CRAMP1: variants seen among roughly 807,000 people sequenced by gnomAD.
CRAMP1 encodes protein cramped-like.
CRAMP1 carries 50 observed loss-of-function variants against 115.4 expected under a neutral mutation model. The observed-to-expected ratio is 0.43, with a 90% CI of 0.35 to 0.55. The LOEUF (loss-of-function observed/expected upper bound fraction) is 0.55. CRAMP1 is among the 20% of genes least tolerant of loss of function. The pLI, the probability that CRAMP1 is intolerant of heterozygous loss-of-function variation, is 0.01. For missense variants in CRAMP1, 1,679 were observed against 1,721.7 expected, an observed-to-expected ratio of 0.98 and a Z score of 0.44; for synonymous variants, 866 against 745.4, an observed-to-expected ratio of 1.16 and a Z score of -2.64.
Position 1,632,295 on chromosome 16 carries a change from C to G in CRAMP1, c.624C>G (p.Asn208Lys). 6.2e-7 allele frequency: 1 copy of G among 1,600,124 alleles called. No homozygotes were observed. Among genetic ancestry groups the G allele is most frequent in the Non-Finnish European group, 8.5e-7 (1 of 1,173,894 alleles). The change falls in exon 4 of 21, where the codon AAC (asparagine) becomes AAG (lysine). Residue 208 changes from asparagine (N) to lysine (K), a missense_variant. Asn to Lys is a moderately conservative substitution (Grantham distance 94, BLOSUM62 0). Transcript: ENST00000397412. The part of the protein sequence containing the change: ...KKGKPASMVK[N>K]KEQVRHFYYR... ...GCAAGCCAGCAAGCATGGTGAAGAA[C>G]AAGGAGCAGGTCCGCCACTTCTACT...
Position 1,614,402 on chromosome 16 carries a change from G to A in CRAMP1, c.-1-237G>A, listed in dbSNP as rs1333669301. Among the ~76,000 whole-genome samples, 1 of 144,712 alleles carries A rather than the reference G, an allele frequency of 6.9e-6. No homozygotes were observed. Among genetic ancestry groups the A allele is most frequent in the South Asian group, 2.1e-4 (1 of 4,738 alleles). The allele number at this position is 144,712 out of a possible 152,430, so 94.9% of individuals were successfully genotyped here. On this transcript the variant is annotated intron_variant, in intron 1 of 20. Coordinates refer to ENST00000397412, the MANE Select transcript of CRAMP1 (RefSeq NM_020825.4). The surrounding 1 kb of genome is among the most constrained non-coding windows in gnomAD (Gnocchi z 4.4). Reference sequence around the variant, plus strand: ...GCCCGGGCGTCTGGACGCGAGCCTCGGCCAGGGGGCGTCCGGGGAGGCCCG... The same window carrying A: ...GCCCGGGCGTCTGGACGCGAGCCTCAGCCAGGGGGCGTCCGGGGAGGCCCG...
chr16:1,637,236 G>A (rs932156017), intron 4 of CRAMP1, among the ~76,000 whole-genome samples: 1 of 152,036 alleles, frequency 6.6e-6, no homozygotes, highest in Non-Finnish European at 1.5e-5. Flanking sequence ...AGAGGTTGCG[G>A]TGAGCCGAGA....
intron 6 of CRAMP1, among the ~76,000 whole-genome samples, chr16:1,644,942 T>G (rs558106515): frequency 6.6e-6 from 1 of 151,910 alleles, no homozygotes; most frequent in East Asian, 1.9e-4. Flanking sequence ...GCTCAAGTGA[T>G]CCTCCCGTCT....
At chr16:1,650,911 T>G (rs2036717137) in intron 6 of CRAMP1, among the ~76,000 whole-genome samples, 1 of 152,260 alleles carries the variant, frequency 6.6e-6, no homozygotes, top group Non-Finnish European at 1.5e-5. Flanking sequence ...CAGAGCCATG[T>G]CTTGACTGGG....
intron 6 of CRAMP1, among the ~76,000 whole-genome samples, chr16:1,650,632 A>G (rs752767755): frequency 2.0e-5 from 3 of 152,238 alleles, no homozygotes; most frequent in Non-Finnish European, 4.4e-5. Flanking sequence ...AGGTACAAAT[A>G]TAGATACATA....
chr16:1,618,350 T>G (rs556591165), intron 2 of CRAMP1, among the ~76,000 whole-genome samples: 42 of 152,202 alleles, frequency 2.8e-4, no homozygotes, highest in Non-Finnish European at 5.3e-4. Flanking sequence ...AGGCACCTGG[T>G]GTTTCTGCCA....
chr16:1,643,428 C>A (rs1490189680), intron 6 of CRAMP1, among the ~76,000 whole-genome samples: 1 of 152,124 alleles, frequency 6.6e-6, no homozygotes, highest in Non-Finnish European at 1.5e-5. Context: ...GTAATCCCAG[C>A]TACTTGGGAG....
chr16:1,625,858 G>T, intron 2 of CRAMP1, 115 bp from the exon 3 acceptor site: 1 of 1,041,178 alleles, frequency 9.6e-7, no homozygotes. Flanking sequence ...ATCCTCGGTT[G>T]AGGAGTGTGG....
chr16:1,659,630 G>C (rs1270927461), intron 10 of CRAMP1, among the ~76,000 whole-genome samples: 1 of 152,066 alleles, frequency 6.6e-6, no homozygotes, highest in Non-Finnish European at 1.5e-5. Context: ...CTCATGATCC[G>C]CTCGTCTCGG....
At chr16:1,646,779 A>G (rs1166625900) in intron 6 of CRAMP1, among the ~76,000 whole-genome samples, 1 of 152,210 alleles carries the variant, frequency 6.6e-6, no homozygotes, top group Non-Finnish European at 1.5e-5. Flanking sequence ...TTCTTCTAGA[A>G]GTTTTCTAGT....
chr16:1,615,186 C>T (rs973329840), intron 2 of CRAMP1, among the ~76,000 whole-genome samples: 5 of 152,250 alleles, frequency 3.3e-5, no homozygotes, highest in Non-Finnish European at 1.5e-5. Flanking sequence ...TATTTAAACT[C>T]TTTGAAGAGG....
chr16:1,617,475 A>T (rs1265291784), intron 2 of CRAMP1, among the ~76,000 whole-genome samples: 1 of 152,242 alleles, frequency 6.6e-6, no homozygotes, highest in African/African-American at 2.4e-5. Flanking sequence ...ATCCTCTTAC[A>T]TTCTGGAGAA....
intron 6 of CRAMP1, among the ~76,000 whole-genome samples, chr16:1,650,668 G>C (rs1187976512): frequency 6.6e-6 from 1 of 152,102 alleles, no homozygotes; most frequent in Non-Finnish European, 1.5e-5. Flanking sequence ...AATTTTTTAC[G>C]CATCCTTAGA....
intron 6 of CRAMP1, among the ~76,000 whole-genome samples, chr16:1,647,903 C>G (rs1233493117): frequency 2.0e-5 from 3 of 152,050 alleles, no homozygotes; most frequent in African/African-American, 4.8e-5. Flanking sequence ...AGCTTCCAGG[C>G]TGGTGCGAGG....
chr16:1,656,845 C>G lies in CRAMP1; in HGVS notation c.2088C>G (p.Gly696=). ...LTLAEVYLMM[G]KPSKLQLEYD... Reference sequence around the variant, plus strand: ...TGGCCGAAGTCTACCTCATGATGGGCAAGCCCAGCAAGCTGCAGCTGGAGT... The same window carrying G: ...TGGCCGAAGTCTACCTCATGATGGGGAAGCCCAGCAAGCTGCAGCTGGAGT... The change falls in exon 10 of 21, where the codon GGC becomes GGG. Residue 696 remains glycine (G), a synonymous_variant. Coordinates refer to ENST00000397412, the MANE Select transcript of CRAMP1 (RefSeq NM_020825.4). This position sits in a 1 kb window ranked among gnomAD's most constrained non-coding sequence, Gnocchi z 5.6. 6.4e-7 allele frequency: 1 copy of G among 1,550,872 alleles called. No homozygotes were observed. The highest frequency in any genetic ancestry group is 8.7e-7 in the Non-Finnish European group (1 of 1,147,160).
intron 5 of CRAMP1, among the ~76,000 whole-genome samples, chr16:1,638,656 C>A (rs1233652190): frequency 6.6e-6 from 1 of 152,160 alleles, no homozygotes. Context: ...CTGGGCTGTC[C>A]AGTGGGCACT....
rs1567459623 is a variant in CRAMP1 at position 1,659,866 on chromosome 16, T to G, written c.2236-20T>G. 5 of 1,612,192 alleles carry G rather than the reference T, an allele frequency of 3.1e-6. No individual in the cohort carries two copies. Among genetic ancestry groups the G allele is most frequent in the Non-Finnish European group, 4.2e-6 (5 of 1,179,054 alleles). ...CTCATGTGCTGAGTTTGGACATTGT[T>G]TGGCCCATTTCTGTCCTAGGCTCTG... is the stretch of plus-strand genomic sequence containing the variant. On this transcript the variant is annotated intron_variant, in intron 10 of 20. Coordinates refer to ENST00000397412, the MANE Select transcript of CRAMP1 (RefSeq NM_020825.4).
intron 2 of CRAMP1, among the ~76,000 whole-genome samples, chr16:1,622,342 G>A (rs185775499): frequency 4.7e-4 from 71 of 152,290 alleles, no homozygotes; most frequent in African/African-American, 1.6e-3. Flanking sequence ...GTGAAACCCC[G>A]TCTCTACTAA....
rs2036780719 is a variant in CRAMP1, at chr16:1,656,884, G to A, written c.2127G>A (p.Gly709=). ...SKLQLEYDWL[G]PGRQDPRPGS... Reference sequence around the variant, plus strand: ...TGCAGCTGGAGTACGACTGGCTGGGGCCCGGCCGCCAGGACCCCCGCCCCG... The same window carrying A: ...TGCAGCTGGAGTACGACTGGCTGGGACCCGGCCGCCAGGACCCCCGCCCCG... Residue 709 remains glycine (G), a synonymous_variant, in exon 10 of 21, where the codon GGG becomes GGA. Coordinates refer to ENST00000397412, the MANE Select transcript of CRAMP1 (RefSeq NM_020825.4). The surrounding 1 kb of genome is among the most constrained non-coding windows in gnomAD (Gnocchi z 5.6). 5 of 1,550,920 alleles carry A rather than the reference G, an allele frequency of 3.2e-6. No homozygotes were observed. The highest frequency in any genetic ancestry group is 2.4e-5 in the East Asian group (1 of 40,924).
Sources: allele counts gnomAD v4.1 joint callset (sites outside exome capture counted in the v4.1 genomes callset), GRCh38; gene constraint gnomAD v4.1.1; non-coding constraint Gnocchi (gnomAD v3.1); transcripts MANE v1.5; gene names NCBI Gene and HGNC (gene_info 2026-07-23, HGNC 2026-07-21).